The following KIF6 variants were observed in gnomAD, a reference collection of about 807,000 sequenced individuals.
KIF6 encodes the protein kinesin-like protein KIF6.
A neutral mutation model predicts 112.7 loss-of-function variants in KIF6; 106 were observed. The ratio of observed to expected loss-of-function variants is 0.94; its 90% CI spans 0.80 to 1.11. The LOEUF (loss-of-function observed/expected upper bound fraction) is 1.11, where lower values mean the gene tolerates loss of function less well. KIF6 is among the 50% of genes least tolerant of loss of function. The pLI, the probability that KIF6 is intolerant of heterozygous loss-of-function variation, is 0.00. For missense variants in KIF6, 929 were observed against 964.0 expected, an observed-to-expected ratio of 0.96 and a Z score of 0.48; for synonymous variants, 339 against 339.9, an observed-to-expected ratio of 1.00 and a Z score of 0.03.
At chr6:39,599,741 C>G (rs1439509774) in intron 6 of KIF6, among the ~76,000 whole-genome samples, 1 of 152,178 alleles carries the variant, frequency 6.6e-6, no homozygotes, top group East Asian at 1.9e-4. Flanking sequence ...AAAAGTCAAA[C>G]TGACAATCAA....
intron 6 of KIF6, 79 bp downstream of exon 6, chr6:39,613,110 T>TA: frequency 9.1e-7 from 1 of 1,102,008 alleles, no homozygotes; most frequent in Admixed American, 3.0e-5. Flanking sequence ...TTCTATTATA[T>TA]CTTTTTTTTT....
chr6:39,686,030 T>C (rs910494255), intron 3 of KIF6, among the ~76,000 whole-genome samples: 1 of 152,234 alleles, frequency 6.6e-6, no homozygotes, highest in African/African-American at 2.4e-5. Flanking sequence ...TCTTTCATGA[T>C]GAGGGTTGGA....
chr6:39,615,131 C>A (rs544868952), intron 5 of KIF6, among the ~76,000 whole-genome samples: 4 of 151,636 alleles, frequency 2.6e-5, no homozygotes, highest in Non-Finnish European at 4.4e-5. Context: ...TATGATTGTA[C>A]CACTGTCCTC....
intron 10 of KIF6, among the ~76,000 whole-genome samples, chr6:39,563,425 T>G (rs1346745916): frequency 1.2e-4 from 19 of 152,214 alleles, no homozygotes. Context: ...GAGATCAGAA[T>G]ATTTTATAAA....
chr6:39,468,574 C>T (rs1304598041), intron 13 of KIF6, among the ~76,000 whole-genome samples: 1 of 152,024 alleles, frequency 6.6e-6, no homozygotes, highest in Non-Finnish European at 1.5e-5. Context: ...CACTGAAATA[C>T]TGATGAAGAA....
At chr6:39,365,370 G>A (rs1035464233) in intron 16 of KIF6, among the ~76,000 whole-genome samples, 3 of 152,176 alleles carry the variant, frequency 2.0e-5, no homozygotes, top group African/African-American at 4.8e-5. Context: ...AGATGAGGCA[G>A]CCCGCCTGTC....
chr6:39,444,782 A>T (rs1019045709), intron 13 of KIF6, among the ~76,000 whole-genome samples: 3 of 152,142 alleles, frequency 2.0e-5, no homozygotes, highest in African/African-American at 7.2e-5. Context: ...CATAAATACC[A>T]GCAAACCACT....
chr6:39,417,812 C>T (rs1270577656), intron 15 of KIF6, among the ~76,000 whole-genome samples: 7 of 152,072 alleles, frequency 4.6e-5, no homozygotes, highest in Non-Finnish European at 7.4e-5. Context: ...AATGTTGGAA[C>T]GGTTTTATTT....
intron 18 of KIF6, among the ~76,000 whole-genome samples, chr6:39,359,132 A>G (rs561283853): frequency 6.6e-6 from 1 of 152,294 alleles, no homozygotes; most frequent in Non-Finnish European, 1.5e-5. Flanking sequence ...TGTCCTTGGC[A>G]AATCATCTTC....
At chr6:39,673,686 A>G (rs927233663) in intron 3 of KIF6, among the ~76,000 whole-genome samples, 13 of 152,236 alleles carry the variant, frequency 8.5e-5, no homozygotes, top group African/African-American at 3.1e-4. Flanking sequence ...GTGACACTAA[A>G]TATGGGAATA....
chr6:39,385,837 G>A (rs1219244674), intron 15 of KIF6, among the ~76,000 whole-genome samples, 165 bp from the exon 16 acceptor site: 5 of 151,876 alleles, frequency 3.3e-5, no homozygotes, highest in African/African-American at 9.7e-5. Flanking sequence ...TTCCTAGATC[G>A]TGTTGGAAGA....
chr6:39,646,652 T>C (rs1260612290), intron 3 of KIF6, among the ~76,000 whole-genome samples: 2 of 152,208 alleles, frequency 1.3e-5, no homozygotes, highest in Non-Finnish European at 2.9e-5. Context: ...CAAAACGTAC[T>C]AGTTCACTCA....
intron 3 of KIF6, among the ~76,000 whole-genome samples, chr6:39,705,603 GA>G (rs1424196188): frequency 6.6e-6 from 1 of 152,176 alleles, no homozygotes; most frequent in East Asian, 1.9e-4. Flanking sequence ...CAAAGGTAAA[GA>G]GGAGACCTTG....
chr6:39,571,995 C>G (rs1298780725), intron 10 of KIF6, among the ~76,000 whole-genome samples: 1 of 152,142 alleles, frequency 6.6e-6, no homozygotes, highest in African/African-American at 2.4e-5. Context: ...AGTGACTTCC[C>G]TCATTTCTGA....
chr6:39,577,647 C>A (rs890464942), intron 10 of KIF6, among the ~76,000 whole-genome samples: 3 of 152,190 alleles, frequency 2.0e-5, no homozygotes, highest in African/African-American at 7.2e-5. Flanking sequence ...AGAGAGCTTA[C>A]TTTGGCATGG....
At chr6:39,548,811 A>G (rs1268465880) in intron 10 of KIF6, among the ~76,000 whole-genome samples, 1 of 152,186 alleles carries the variant, frequency 6.6e-6, no homozygotes, top group East Asian at 1.9e-4. Flanking sequence ...AAGTCTCGCT[A>G]AGGAGGTCAA....
intron 6 of KIF6, among the ~76,000 whole-genome samples, chr6:39,606,953 T>C (rs973080646): frequency 6.6e-6 from 1 of 152,170 alleles, no homozygotes; most frequent in African/African-American, 2.4e-5. Context: ...CAGCACCCTC[T>C]CTCACCATAA....
chr6:39,401,083 A>C (rs1489676244), intron 15 of KIF6, among the ~76,000 whole-genome samples: 5 of 152,258 alleles, frequency 3.3e-5, no homozygotes, highest in African/African-American at 1.2e-4. Flanking sequence ...GGGTAAGCTA[A>C]GATGTTGCAC....
At chr6:39,526,192 T>C (rs1192807107) in intron 13 of KIF6, among the ~76,000 whole-genome samples, 3 of 152,226 alleles carry the variant, frequency 2.0e-5, no homozygotes, top group African/African-American at 4.8e-5. Flanking sequence ...AGCTGTCACC[T>C]TGGACAATTT....
Sources: allele counts gnomAD v4.1 joint callset (sites outside exome capture counted in the v4.1 genomes callset), GRCh38; gene constraint gnomAD v4.1.1; transcripts MANE v1.5; gene names NCBI Gene and HGNC (gene_info 2026-07-23, HGNC 2026-07-21).